Variants in TMTC2 observed in about 807,000 individuals in gnomAD.
TMTC2 encodes transmembrane O-mannosyltransferase targeting cadherins 2.
Under a neutral mutation model 82.4 loss-of-function variants are expected in TMTC2, and 43 were observed. The observed-to-expected ratio is 0.52, with a 90% CI of 0.41 to 0.67. The LOEUF (loss-of-function observed/expected upper bound fraction) is 0.67. TMTC2 is among the 30% of genes least tolerant of loss of function. TMTC2 has a pLI of 0.00. For synonymous variants in TMTC2, 408 were observed against 381.9 expected, an observed-to-expected ratio of 1.07 and a Z score of -0.80; for missense variants, 919 against 1,012.4, an observed-to-expected ratio of 0.91 and a Z score of 1.25.
intron 1 of TMTC2, among the ~76,000 whole-genome samples, chr12:82,834,483 C>T (rs1034066462): frequency 6.6e-6 from 1 of 152,212 alleles, no homozygotes; most frequent in Non-Finnish European, 1.5e-5. Flanking sequence ...CAACATCTAG[C>T]TTTTAGTAAT....
intron 1 of TMTC2, among the ~76,000 whole-genome samples, chr12:82,731,381 TAAAG>T (rs1874801458): frequency 6.6e-6 from 1 of 152,234 alleles, no homozygotes; most frequent in Admixed American, 6.5e-5. Flanking sequence ...TCTCATCTTT[TAAAG>T]AAAGAAAATT....
At chr12:82,937,904 A>G (rs1004682234) in intron 4 of TMTC2, among the ~76,000 whole-genome samples, 27 of 91,098 alleles carry the variant, frequency 3.0e-4, no homozygotes, top group African/African-American at 9.5e-4. Context: ...CCATAGATTC[A>G]AACCTTTTTT....
Position 82,809,935 on chromosome 12 carries a change from GAC to G in TMTC2, c.84-47074_84-47073del, listed in dbSNP as rs547644834. ...GAAATACTTACGGTATGGGGTCATA[GAC>G]TTTGAATATTCTCCAAATTAGGCTG... On this transcript the variant is annotated intron_variant, in intron 1 of 11. Coordinates refer to ENST00000321196, the MANE Select transcript of TMTC2 (RefSeq NM_152588.3). Among the ~76,000 whole-genome samples the G allele has an allele frequency of 3.9e-5, 6 of 152,192 alleles. No individual in the cohort carries two copies. The South Asian group carries it at 1.2e-3, about 32-fold the overall frequency.
chr12:83,098,666 G>A (rs11115584), intron 11 of TMTC2, among the ~76,000 whole-genome samples: 20,917 of 152,186 alleles, frequency 0.14, 1,613 homozygotes, highest in East Asian at 0.26. Context: ...TCGGAAACCA[G>A]ATATGTAGAT....
chr12:83,127,357 A>G (rs1885127058), intron 11 of TMTC2, among the ~76,000 whole-genome samples: 2 of 152,132 alleles, frequency 1.3e-5, no homozygotes, highest in Non-Finnish European at 2.9e-5. Context: ...ATATTGGTCT[A>G]TTATCTCTGT....
Position 82,965,578 on chromosome 12 carries a change from G to T in TMTC2, c.1703G>T (p.Gly568Val). The T allele has an allele frequency of 1.2e-6, 2 of 1,613,366 alleles. No individual in the cohort carries two copies. The highest frequency in any genetic ancestry group is 1.7e-6 in the Non-Finnish European group (2 of 1,179,616). Residue 568 changes from glycine to valine, a missense_variant, in exon 6 of 12, where the codon GGT (glycine) becomes GTT (valine). By Grantham distance (109) the Gly-to-Val change is moderately radical. Coordinates refer to ENST00000321196, the MANE Select transcript of TMTC2 (RefSeq NM_152588.3). The part of the protein sequence containing the change: ...PTLASAYLNT[G>V]IILMNQGRTE... ...CCCTCAGCTGCATATTTAAATACCG[G>T]TATTATTCTAATGAACCAAGGAAGG...
intron 9 of TMTC2, among the ~76,000 whole-genome samples, chr12:83,036,932 C>T (rs1881686822): frequency 6.6e-6 from 1 of 152,112 alleles, no homozygotes; most frequent in South Asian, 2.1e-4. Flanking sequence ...AACTCACTCT[C>T]ATGGGAACTA....
chr12:82,981,818 A>G (rs2137329735), intron 7 of TMTC2, among the ~76,000 whole-genome samples: 1 of 151,878 alleles, frequency 6.6e-6, no homozygotes, highest in Non-Finnish European at 1.5e-5. Context: ...TTATGATTTC[A>G]GCACTTTAAC....
intron 1 of TMTC2, among the ~76,000 whole-genome samples, chr12:82,730,909 G>A (rs1874768393): frequency 6.6e-6 from 1 of 152,190 alleles, no homozygotes; most frequent in African/African-American, 2.4e-5. Flanking sequence ...AAGTATATAA[G>A]TCGTTTTGAT....
intron 2 of TMTC2, among the ~76,000 whole-genome samples, chr12:82,862,888 A>G (rs1023949418): frequency 3.9e-5 from 6 of 152,164 alleles, no homozygotes; most frequent in African/African-American, 1.2e-4. Context: ...TGAGGGTGGG[A>G]GTTTATATTC....
At chr12:82,853,172 G>A (rs570975712) in intron 1 of TMTC2, among the ~76,000 whole-genome samples, 79 of 151,596 alleles carry the variant, frequency 5.2e-4, no homozygotes, top group South Asian at 1.3e-3. Context: ...GCGCGATCTC[G>A]GCTCACTGCA....
chr12:83,013,406 C>G (rs948228905), intron 8 of TMTC2, among the ~76,000 whole-genome samples: 1 of 152,104 alleles, frequency 6.6e-6, no homozygotes, highest in African/African-American at 2.4e-5. Flanking sequence ...TCATATTTTT[C>G]TAACTTCATT....
In TMTC2 at chr12:82,719,085, ATTTTTTTTT is replaced by A. The variant is rs71068944; in HGVS notation, c.83+31434_83+31442del. Among the ~76,000 whole-genome samples the A allele has an allele frequency of 3.4e-4, 14 of 41,414 alleles. No individual in the cohort carries two copies. The South Asian group carries it at 0.016, about 46-fold the overall frequency. 27.2% of individuals were successfully genotyped at this position (41,414 alleles called of 152,430 possible). ...TATATATATATATATATATATATAT[ATTTTTTTTT>A]TTTTTTTTTTTTTTTTTGAGACGGA... On this transcript the variant is annotated intron_variant, in intron 1 of 11. Transcript: ENST00000321196.
intron 1 of TMTC2, among the ~76,000 whole-genome samples, chr12:82,736,996 T>G (rs1288324173): frequency 1.3e-5 from 2 of 152,128 alleles, no homozygotes; most frequent in African/African-American, 4.8e-5. Flanking sequence ...TCACATAAAA[T>G]GTAAGCAACT....
At chr12:82,821,347 A>T (rs1869098416) in intron 1 of TMTC2, among the ~76,000 whole-genome samples, 1 of 152,176 alleles carries the variant, frequency 6.6e-6, no homozygotes, top group African/African-American at 2.4e-5. Context: ...ATTTTTCCAG[A>T]ACTAAAAGAT....
rs1437284307 is a variant in TMTC2, at chr12:83,045,727, G to GGGCTCACACACACACA, written c.2153-5177_2153-5176insGGCTCACACACACACA. On this transcript the variant is annotated intron_variant, in intron 9 of 11. Coordinates refer to ENST00000321196, the MANE Select transcript of TMTC2 (RefSeq NM_152588.3). ...CTCCTTCACACACACACACACACAC[G>GGGCTCACACACACACA]CACACACACACACACACACACACAC... is the stretch of plus-strand genomic sequence containing the variant. Among the ~76,000 whole-genome samples the GGGCTCACACACACACA allele has an allele frequency of 2.0e-3, 289 of 142,532 alleles. 7 individuals are homozygous for GGGCTCACACACACACA. Among genetic ancestry groups the GGGCTCACACACACACA allele is most frequent in the African/African-American group, 7.2e-3 (271 of 37,666 alleles). The allele number at this position is 142,532 out of a possible 152,430, so 93.5% of individuals were successfully genotyped here.
chr12:82,705,219 G>A (rs1873293099), intron 1 of TMTC2, among the ~76,000 whole-genome samples: 1 of 152,126 alleles, frequency 6.6e-6, no homozygotes, highest in South Asian at 2.1e-4. Context: ...AGGGATAAAA[G>A]ATGTTGGGTG....
chr12:82,804,464 GA>G (rs1690999987), intron 1 of TMTC2, among the ~76,000 whole-genome samples: 1 of 152,152 alleles, frequency 6.6e-6, no homozygotes, highest in African/African-American at 2.4e-5. Context: ...TTTAATGGAA[GA>G]GGTGTTACTT....
intron 1 of TMTC2, among the ~76,000 whole-genome samples, chr12:82,804,489 CT>C (rs1565757779): frequency 1.3e-5 from 2 of 152,072 alleles, no homozygotes; most frequent in Admixed American, 6.5e-5. Context: ...CACTCCTGGA[CT>C]TTTTAAAGCA....
Sources: allele counts gnomAD v4.1 joint callset (sites outside exome capture counted in the v4.1 genomes callset), GRCh38; gene constraint gnomAD v4.1.1; transcripts MANE v1.5; gene names NCBI Gene and HGNC (gene_info 2026-07-23, HGNC 2026-07-21).